The following ZC3H14 variants were observed in gnomAD, a reference collection of about 807,000 sequenced individuals.
The protein encoded by ZC3H14 is zinc finger CCCH-type containing 14.
ZC3H14 carries 31 observed loss-of-function variants against 92.4 expected under a neutral mutation model. The observed-to-expected ratio is 0.34, with a 90% CI of 0.25 to 0.45. The LOEUF (loss-of-function observed/expected upper bound fraction) is 0.45, where lower values mean the gene tolerates loss of function less well. Among genes scored for constraint, ZC3H14 ranks in the 20% least tolerant of loss-of-function variants. The pLI, the probability that ZC3H14 is intolerant of heterozygous loss-of-function variation, is 1.00. For missense variants in ZC3H14, 781 were observed against 897.3 expected (o/e 0.87, Z 1.66); for synonymous variants, 321 against 300.9 (o/e 1.07, Z -0.69).
intron 9 of ZC3H14, among the ~76,000 whole-genome samples, chr14:88,579,358 G>A (rs962514855): frequency 2.6e-5 from 4 of 152,160 alleles, no homozygotes; most frequent in African/African-American, 9.7e-5. Context: ...CAGCAGATAG[G>A]TACCAATTGG....
rs375453720 is a variant in ZC3H14, at chr14:88,615,815, C to A, written c.*4064C>A. 6.2e-7 allele frequency: 1 copy of A among 1,611,182 alleles called. No individual in the cohort carries two copies. Among genetic ancestry groups the A allele is most frequent in the East Asian group, 2.2e-5 (1 of 44,838 alleles). ...TTAATTTCTGTAGTCATCTCAGCAT[C>A]TCTCAGTGAGGTGTATGTACACATT... On this transcript the variant is annotated 3_prime_UTR_variant, in exon 17 of 17. Coordinates refer to ENST00000251038, the MANE Select transcript of ZC3H14 (RefSeq NM_024824.5).
intron 6 of ZC3H14, 40 bp downstream of exon 6, chr14:88,573,047 C>G: frequency 6.2e-7 from 1 of 1,608,024 alleles, no homozygotes; most frequent in Non-Finnish European, 8.5e-7. Context: ...GGCTAAAAAT[C>G]GGCAGTTCTT....
In ZC3H14 at chr14:88,622,788, C is replaced by A. The variant is rs2089241829; in HGVS notation, c.*11037C>A. On this transcript the variant is annotated 3_prime_UTR_variant, in exon 17 of 17. Coordinates refer to ENST00000251038, the MANE Select transcript of ZC3H14 (RefSeq NM_024824.5). ...TATAATTTTTATTATAAACAAATAC[C>A]AAGTTATAAGCAGAATCTTTTTTTT... The A allele has an allele frequency of 1.9e-6, 2 of 1,071,592 alleles. No individual in the cohort carries two copies. The highest frequency in any genetic ancestry group is 2.2e-5 in the South Asian group (1 of 46,318). 66.4% of individuals were successfully genotyped at this position (1,071,592 alleles called of 1,614,324 possible).
At chr14:88,597,149 G>A (rs193053584) in intron 10 of ZC3H14, among the ~76,000 whole-genome samples, 4 of 152,146 alleles carry the variant, frequency 2.6e-5, no homozygotes, top group Non-Finnish European at 5.9e-5. Context: ...AGTGGCTTTT[G>A]TATCCTGTTT....
In ZC3H14 at chr14:88,602,057, A is replaced by G. The variant is rs1168543687; in HGVS notation, c.1488A>G (p.Val496=). The change falls in exon 11 of 17, where the codon GTA becomes GTG. Residue 496 remains valine (V), a synonymous_variant. Coordinates refer to ENST00000251038, the MANE Select transcript of ZC3H14 (RefSeq NM_024824.5). ...SGMKTADSLR[V]LSGHLMQTRD... ...TGAAGACTGCAGATTCCCTTCGGGTACTTTCAGGACACCTTATGCAGACAC... is the reference window on the plus strand; with the variant it reads ...TGAAGACTGCAGATTCCCTTCGGGTGCTTTCAGGACACCTTATGCAGACAC... The G allele has an allele frequency of 6.2e-7, 1 of 1,614,106 alleles. No individual in the cohort carries two copies. Among genetic ancestry groups the G allele is most frequent in the Non-Finnish European group, 8.5e-7 (1 of 1,179,954 alleles).
chr14:88,609,320 G>A lies in ZC3H14; in HGVS notation c.1922G>A (p.Cys641Tyr). Residue 641 changes from cysteine (C) to tyrosine (Y), a missense_variant, in exon 14 of 17, where the codon TGT (cysteine) becomes TAT (tyrosine). Cys to Tyr is a radical substitution (Grantham distance 194). This residue lies in a region of ZC3H14 where 221 missense variants were observed against 304.7 expected (regional missense o/e 0.73). Transcript: ENST00000251038. ...AAATGTTTGTTTGTTCACCCAAATT[G>A]TAAATATGATGCAAAGTGTACTAAA... ...AEKCLFVHPN[C>Y]KYDAKCTKPD... 1 of 1,613,976 alleles carries A rather than the reference G, an allele frequency of 6.2e-7. No homozygotes were observed. The highest frequency in any genetic ancestry group is 8.5e-7 in the Non-Finnish European group (1 of 1,179,968).
At chr14:88,594,294 G>A (rs973379912) in intron 9 of ZC3H14, 17 of 497,584 alleles carry the variant, frequency 3.4e-5, no homozygotes, top group Admixed American at 2.3e-4. Context: ...ATAAAGTAGC[G>A]CTTCAGTGCT....
chr14:88,568,997 G>C (rs2080054590), intron 3 of ZC3H14, among the ~76,000 whole-genome samples: 2 of 151,810 alleles, frequency 1.3e-5, no homozygotes, highest in Admixed American at 6.6e-5. Context: ...TCATCCCATT[G>C]CAGTCCCCTC....
chr14:88,603,122 C>A, intron 12 of ZC3H14, 62 bp downstream of exon 12: 1 of 1,503,788 alleles, frequency 6.6e-7, no homozygotes, highest in South Asian at 1.1e-5. Context: ...TGACTTGTTT[C>A]TCTACCTTGA....
At chr14:88,599,678 C>T (rs986253558) in intron 10 of ZC3H14, among the ~76,000 whole-genome samples, 2 of 152,222 alleles carry the variant, frequency 1.3e-5, no homozygotes, top group African/African-American at 2.4e-5. Flanking sequence ...TGTGTCAGCG[C>T]ATCTCCTCCA....
chr14:88,606,626 T>C (rs2085444935), intron 12 of ZC3H14, among the ~76,000 whole-genome samples: 1 of 151,646 alleles, frequency 6.6e-6, no homozygotes, highest in Admixed American at 6.6e-5. Flanking sequence ...CACGTGCTAC[T>C]TGGTAGGGGC....
chr14:88,601,901 T>G, intron 10 of ZC3H14, 23 bp from the exon 11 acceptor site: 1 of 1,613,648 alleles, frequency 6.2e-7, no homozygotes, highest in East Asian at 2.2e-5. Context: ...AGTAAACATT[T>G]GTGGCCAATT....
At chr14:88,564,265 CAGTA>C (rs1271222876) in intron 2 of ZC3H14, among the ~76,000 whole-genome samples, 5 of 152,174 alleles carry the variant, frequency 3.3e-5, no homozygotes, top group Admixed American at 2.0e-4. Flanking sequence ...CTCTCTGAAA[CAGTA>C]AGGCTTTTTC....
intron 13 of ZC3H14, 149 bp from the exon 14 acceptor site, chr14:88,609,118 G>C: frequency 1.1e-6 from 1 of 914,428 alleles, no homozygotes; most frequent in Non-Finnish European, 1.6e-6. Context: ...TTTGATATAT[G>C]GTCTTATTTT....
chr14:88,595,021 A>G (rs757433002), intron 9 of ZC3H14: 7 of 1,613,760 alleles, frequency 4.3e-6, no homozygotes, highest in Middle Eastern at 1.7e-4. Flanking sequence ...TGAATGCAAC[A>G]GACAGTTTGA....
chr14:88,592,154 T>A (rs2139919505), intron 9 of ZC3H14: 1 of 150,792 alleles, frequency 6.6e-6, no homozygotes, highest in South Asian at 2.1e-4. Flanking sequence ...TGTGACCCGT[T>A]CTGTTAGACC....
At chr14:88,564,463 C>T (rs554133390) in intron 2 of ZC3H14, among the ~76,000 whole-genome samples, 1 of 152,180 alleles carries the variant, frequency 6.6e-6, no homozygotes, top group African/African-American at 2.4e-5. Context: ...ATGGTTTGCC[C>T]CCAAAGCTGG....
At chr14:88,580,333 A>T (rs2081746634) in intron 9 of ZC3H14, among the ~76,000 whole-genome samples, 1 of 152,138 alleles carries the variant, frequency 6.6e-6, no homozygotes, top group East Asian at 1.9e-4. Flanking sequence ...ATTAGAAAGA[A>T]CTCGAAAGAA....
At chr14:88,611,600 T>G in intron 16 of ZC3H14, 145 bp from the exon 17 acceptor site, 1 of 885,780 alleles carries the variant, frequency 1.1e-6, no homozygotes, top group East Asian at 2.7e-5. Flanking sequence ...CATAATTGAA[T>G]TATTTTTAAA....
Sources: allele counts gnomAD v4.1 joint callset (sites outside exome capture counted in the v4.1 genomes callset), GRCh38; gene constraint gnomAD v4.1.1; regional missense constraint gnomAD v4.1.1; transcripts MANE v1.5; gene names NCBI Gene and HGNC (gene_info 2026-07-23, HGNC 2026-07-21).